The following PTGR1 variants were observed in gnomAD, a reference collection of about 807,000 sequenced individuals.
The protein encoded by PTGR1 is prostaglandin reductase 1, also known as 15-oxoprostaglandin 13-reductase.
PTGR1 carries 23 observed loss-of-function variants against 37.7 expected under a neutral mutation model. The observed-to-expected ratio is 0.61, with a 90% CI of 0.44 to 0.86. The LOEUF is 0.86. Among genes scored for constraint, PTGR1 ranks in the 40% least tolerant of loss-of-function variants. The pLI is 0.00. For missense variants in PTGR1, 351 were observed against 394.3 expected (o/e 0.89, Z 0.93); for synonymous variants, 134 against 140.0 (o/e 0.96, Z 0.30).
chr9:111,573,377 C>A (rs566602542), intron 8 of PTGR1, among the ~76,000 whole-genome samples: 7 of 152,164 alleles, frequency 4.6e-5, no homozygotes, highest in Non-Finnish European at 1.0e-4. Context: ...AGGGAATCTA[C>A]AAGTTGCCCT....
At chr9:111,587,578 A>C (rs1192440069) in intron 4 of PTGR1, among the ~76,000 whole-genome samples, 3 of 152,030 alleles carry the variant, frequency 2.0e-5, no homozygotes, top group African/African-American at 7.2e-5. Flanking sequence ...CAGCCTCCCA[A>C]ATAGCTGGGA....
rs1221457150 is a variant in PTGR1 at position 111,583,500 on chromosome 9, G to A, written c.467C>T (p.Ser156Leu). The change falls in exon 6 of 10, where the codon TCA (serine) becomes TTA (leucine). Residue 156 changes from serine (S) to leucine (L), a missense_variant. Coordinates refer to ENST00000407693, the MANE Select transcript of PTGR1 (RefSeq NM_001146108.2). ...MVNAAAGAVG[S>L]VVGQIAKLKG... The stretch of plus-strand genomic sequence containing the variant: ...GAGCTTTGCAATCTGCCCCACGACT[G>A]AGCCCACAGCTCCAGCTGCTGCATT... 6.2e-7 allele frequency: 1 copy of A among 1,613,634 alleles called. No homozygotes were observed. Among genetic ancestry groups the A allele is most frequent in the African/African-American group, 1.3e-5 (1 of 75,016 alleles).
intron 2 of PTGR1, among the ~76,000 whole-genome samples, chr9:111,596,162 T>C (rs1829773755): frequency 6.6e-6 from 1 of 152,200 alleles, no homozygotes. Flanking sequence ...TTGTGGCAGA[T>C]TGCAAAATGG....
chr9:111,557,693 GT>G (rs1334560002), downstream of PTGR1, among the ~76,000 whole-genome samples: 1 of 152,090 alleles, frequency 6.6e-6, no homozygotes, highest in Non-Finnish European at 1.5e-5. Flanking sequence ...GCCTCCCTAA[GT>G]GCTGGAAATA....
chr9:111,594,103 TG>T lies in PTGR1; in HGVS notation c.152+118del. 3 of 1,079,260 alleles carry T rather than the reference TG, an allele frequency of 2.8e-6. No individual in the cohort carries two copies. The South Asian group carries it at 4.0e-5, about 14-fold the overall frequency. 66.9% of individuals were successfully genotyped at this position (1,079,260 alleles called of 1,614,324 possible). ...CATGAATCTTATCACTGATACTGGC[TG>T]GGAGAAACAGAAGGAAAGTGACAAT... On this transcript the variant is annotated intron_variant, in intron 3 of 9. Transcript: ENST00000407693.
intron 9 of PTGR1, among the ~76,000 whole-genome samples, chr9:111,557,441 ATCT>A (rs1476351773): frequency 1.6e-5 from 1 of 61,308 alleles, no homozygotes; most frequent in Non-Finnish European, 3.3e-5. Context: ...AAAACTCATT[ATCT>A]TTTTTTTGCT....
chr9:111,583,517 T>A lies in PTGR1; in HGVS notation c.450A>T (p.Ala150=). Residue 150 remains alanine, a synonymous_variant, in exon 6 of 10, where the codon GCA becomes GCT. Coordinates refer to ENST00000407693, the MANE Select transcript of PTGR1 (RefSeq NM_001146108.2). ...KGGETVMVNA[A]AGAVGSVVGQ... Reference sequence around the variant, plus strand: ...CCACGACTGAGCCCACAGCTCCAGCTGCTGCATTAACCATCACTGTTTCTC... The same window carrying A: ...CCACGACTGAGCCCACAGCTCCAGCAGCTGCATTAACCATCACTGTTTCTC... The A allele has an allele frequency of 6.2e-7, 1 of 1,614,174 alleles. No individual in the cohort carries two copies. Among genetic ancestry groups the A allele is most frequent in the Non-Finnish European group, 8.5e-7 (1 of 1,179,970 alleles).
At chr9:111,576,411 A>G (rs1432948528) in intron 7 of PTGR1, 5 of 1,614,036 alleles carry the variant, frequency 3.1e-6, no homozygotes, top group Non-Finnish European at 3.4e-6. Context: ...CTGAGGCTGA[A>G]TAAGACCATG....
At position 111,583,375 on chromosome 9, in the gene PTGR1, C is replaced by T. The variant is rs1336176400; in HGVS notation, c.495+97G>A. 7.9e-6 allele frequency: 8 copies of T among 1,008,620 alleles called. No individual in the cohort carries two copies. The Admixed American group carries it at 1.4e-4, about 17-fold the overall frequency. 62.5% of individuals were successfully genotyped at this position (1,008,620 alleles called of 1,614,324 possible). Reference sequence around the variant, plus strand: ...CCAACTTCTAAAGAAGACAACTAGACTATAAACTCCCTGAGGCCAAGGAAG... The same window carrying T: ...CCAACTTCTAAAGAAGACAACTAGATTATAAACTCCCTGAGGCCAAGGAAG... On this transcript the variant is annotated intron_variant, in intron 6 of 9. Transcript: ENST00000407693.
chr9:111,553,797 T>C (rs12341420), intron 9 of PTGR1, among the ~76,000 whole-genome samples: 51,336 of 152,176 alleles, frequency 0.34, 9,449 homozygotes, highest in Non-Finnish European at 0.42. Flanking sequence ...CATTTCTCAC[T>C]AGCCTCAAGT....
chr9:111,566,735 G>A (rs10980948), intron 9 of PTGR1, among the ~76,000 whole-genome samples: 41,856 of 152,010 alleles, frequency 0.28, 7,213 homozygotes, highest in Non-Finnish European at 0.4. Context: ...TCTGGGGGCT[G>A]GAGATACACC....
At chr9:111,572,234 C>G (rs1280464090) in intron 8 of PTGR1, among the ~76,000 whole-genome samples, 1 of 152,192 alleles carries the variant, frequency 6.6e-6, no homozygotes, top group Non-Finnish European at 1.5e-5. Context: ...AGAAAGAGTG[C>G]TTCTTCAGAA....
chr9:111,596,491 C>T (rs1829783545), intron 2 of PTGR1, among the ~76,000 whole-genome samples: 1 of 151,960 alleles, frequency 6.6e-6, no homozygotes, highest in South Asian at 2.1e-4. Context: ...TGGCTCACGC[C>T]TGTAATCCCA....
chr9:111,590,751 TA>T (rs1241750115), intron 4 of PTGR1, among the ~76,000 whole-genome samples: 1 of 152,160 alleles, frequency 6.6e-6, no homozygotes, highest in Non-Finnish European at 1.5e-5. Context: ...TCTGGGAACT[TA>T]ATGTAAAGCA....
chr9:111,554,390 C>G (rs925625563), intron 9 of PTGR1, among the ~76,000 whole-genome samples: 4 of 152,124 alleles, frequency 2.6e-5, no homozygotes, highest in Non-Finnish European at 4.4e-5. Flanking sequence ...TACAGCTTTC[C>G]CCTCATTGTG....
intron 2 of PTGR1, among the ~76,000 whole-genome samples, chr9:111,595,849 G>T (rs1247841032): frequency 6.6e-6 from 1 of 151,872 alleles, no homozygotes; most frequent in Non-Finnish European, 1.5e-5. Context: ...TAGCCAGGAT[G>T]GTCTCGATCT....
chr9:111,588,245 G>A (rs1829501969), intron 4 of PTGR1, among the ~76,000 whole-genome samples: 1 of 146,672 alleles, frequency 6.8e-6, no homozygotes, highest in Non-Finnish European at 1.5e-5. Context: ...TGCCCAGGCT[G>A]GAGCACAGTG....
intron 4 of PTGR1, among the ~76,000 whole-genome samples, chr9:111,592,143 G>A (rs886986976): frequency 4.6e-5 from 7 of 152,160 alleles, no homozygotes; most frequent in East Asian, 3.8e-4. Flanking sequence ...CCCTCTTTAC[G>A]GTTAAGGCAT....
intron 1 of PTGR1, 152 bp downstream of exon 1, chr9:111,599,451 C>G (rs917161590): frequency 6.6e-6 from 1 of 152,370 alleles, no homozygotes; most frequent in African/African-American, 2.4e-5. Context: ...CAAGATCCTC[C>G]GAGTGCAAGA....
Sources: allele counts gnomAD v4.1 joint callset (sites outside exome capture counted in the v4.1 genomes callset), GRCh38; gene constraint gnomAD v4.1.1; transcripts MANE v1.5; gene names NCBI Gene and HGNC (gene_info 2026-07-23, HGNC 2026-07-21).